Variants in TSEN2 observed in about 807,000 individuals in gnomAD.
The protein encoded by TSEN2 is tRNA splicing endonuclease subunit 2, also known as tRNA-splicing endonuclease subunit Sen2.
In TSEN2, 54 loss-of-function variants were observed where a neutral mutation model predicts 59.2. That is an observed-to-expected ratio of 0.91 (90% CI 0.73 to 1.14). The LOEUF (loss-of-function observed/expected upper bound fraction) is 1.14. Among genes scored for constraint, TSEN2 ranks in the 50% most tolerant of loss-of-function variants. TSEN2 has a pLI of 0.00. For missense variants in TSEN2, 636 were observed against 576.2 expected (o/e 1.10, Z -1.06); for synonymous variants, 195 against 198.2 (o/e 0.98, Z 0.14).
chr3:12,534,803 CAA>C (rs34727253), downstream of TSEN2, among the ~76,000 whole-genome samples: 1,313 of 68,960 alleles, frequency 0.019, 41 homozygotes, highest in East Asian at 0.19. Context: ...GACTCTGTCT[CAA>C]AAAAAAAAAA....
At chr3:12,493,480 G>A (rs2053435355) in intron 3 of TSEN2, among the ~76,000 whole-genome samples, 1 of 152,220 alleles carries the variant, frequency 6.6e-6, no homozygotes, top group Non-Finnish European at 1.5e-5. Context: ...TGTAATCCCA[G>A]CACTTTGGGA....
At chr3:12,509,941 G>A (rs1449071613) in intron 6 of TSEN2, among the ~76,000 whole-genome samples, 1 of 152,234 alleles carries the variant, frequency 6.6e-6, no homozygotes, top group Non-Finnish European at 1.5e-5. Flanking sequence ...TGAGCACAGA[G>A]TTAGCCTGTG....
intron 1 of TSEN2, among the ~76,000 whole-genome samples, chr3:12,487,881 G>A (rs1182472742): frequency 6.6e-6 from 1 of 152,224 alleles, no homozygotes; most frequent in East Asian, 1.9e-4. Flanking sequence ...GTAATGCTCA[G>A]TATGTAATTC....
At chr3:12,536,425 CATTG>C (rs1448112059), downstream of TSEN2, among the ~76,000 whole-genome samples, 1 of 152,098 alleles carries the variant, frequency 6.6e-6, no homozygotes, top group African/African-American at 2.4e-5. Context: ...ATCCCATGAA[CATTG>C]ATTGAGTCCC....
chr3:12,485,377 A>G (rs750940474), intron 1 of TSEN2, among the ~76,000 whole-genome samples: 2 of 146,428 alleles, frequency 1.4e-5, no homozygotes, highest in Non-Finnish European at 3.0e-5. Flanking sequence ...TTTTAATAGA[A>G]AGTAAGAATA....
At chr3:12,535,982 A>C (rs565416159), downstream of TSEN2, among the ~76,000 whole-genome samples, 6 of 152,326 alleles carry the variant, frequency 3.9e-5, no homozygotes, top group East Asian at 1.2e-3. Context: ...TGCTTTGCAG[A>C]CTGAATGAAA....
At chr3:12,522,426 G>A (rs1263600673) in intron 8 of TSEN2, among the ~76,000 whole-genome samples, 1 of 152,168 alleles carries the variant, frequency 6.6e-6, no homozygotes, top group Admixed American at 6.5e-5. Flanking sequence ...CACACACAGA[G>A]TCAGACTGGG....
chr3:12,530,146 G>A (rs2057372439), intron 10 of TSEN2: 2 of 1,306,462 alleles, frequency 1.5e-6, no homozygotes, highest in Admixed American at 3.7e-5. Flanking sequence ...ATCTGATCTG[G>A]GTAGGCATTG....
exon 11 of TSEN2, chr3:12,539,276 G>A (rs1254674827): frequency 2.7e-6 from 1 of 364,386 alleles, no homozygotes; most frequent in Admixed American, 4.0e-5. Context: ...TGGGATTACA[G>A]GCACGCACCA....
At chr3:12,516,556 T>C (rs913055391) in intron 6 of TSEN2, 55 bp from the exon 7 acceptor site, 18 of 1,591,932 alleles carry the variant, frequency 1.1e-5, no homozygotes. Context: ...TAAAATGGTT[T>C]CACAAGAATG....
Position 12,523,526 on chromosome 3 carries a change from C to CTTTTTTTTTTTTTT in TSEN2, c.1099+4341_1099+4354dup, listed in dbSNP as rs546904336. 2.9e-3 allele frequency among the ~76,000 whole-genome samples: 135 copies of CTTTTTTTTTTTTTT among 46,474 alleles called. 18 individuals carry two copies. The highest frequency in any genetic ancestry group is 4.1e-3 in the Non-Finnish European group (95 of 23,026). The allele number at this position is 46,474 out of a possible 152,430, so 30.5% of individuals were successfully genotyped here. A position where few individuals can be genotyped will look rare whatever the true frequency, so the allele number is the denominator to read the frequency against. On this transcript the variant is annotated intron_variant, in intron 8 of 11. Coordinates refer to ENST00000284995, the MANE Select transcript of TSEN2 (RefSeq NM_025265.4). ...CTTCTCCTCATCTTCCTCTTTGATT[C>CTTTTTTTTTTTTTT]TTTTTTTTTTTTTTTTTTTTTTTTT...
At chr3:12,506,617 T>A in intron 6 of TSEN2, 3 of 823,616 alleles carry the variant, frequency 3.6e-6, no homozygotes, top group Non-Finnish European at 4.4e-6. Context: ...TGGCCTTCCA[T>A]AAACTGCATC....
intron 6 of TSEN2, among the ~76,000 whole-genome samples, chr3:12,512,250 A>C (rs528096870): frequency 3.3e-4 from 50 of 152,378 alleles, no homozygotes; most frequent in African/African-American, 1.2e-3. Context: ...ATATTTTTAA[A>C]TGAATATATT....
rs747066221 is a variant in TSEN2 at position 12,503,725 on chromosome 3, G to A, written c.772G>A (p.Val258Met). The A allele has an allele frequency of 5.5e-5, 89 of 1,613,948 alleles. No individual in the cohort carries two copies. The East Asian group carries it at 1.1e-3, about 19-fold the overall frequency. Residue 258 changes from valine to methionine, a missense_variant, in exon 5 of 12, where the codon GTG becomes ATG. Val to Met is a conservative substitution (Grantham distance 21, BLOSUM62 1). Transcript: ENST00000284995. ...PGDRGPDHEY[V>M]LVEEAECAMS... Reference sequence around the variant, plus strand: ...GGACAGAGGGCCTGACCATGAGTACGTGCTGGTCGAGGAAGCGGAGTGTGC... The same window carrying A: ...GGACAGAGGGCCTGACCATGAGTACATGCTGGTCGAGGAAGCGGAGTGTGC...
At chr3:12,509,532 A>G (rs2055208416) in intron 6 of TSEN2, among the ~76,000 whole-genome samples, 4 of 152,136 alleles carry the variant, frequency 2.6e-5, no homozygotes, top group Admixed American at 2.0e-4. Flanking sequence ...AAGGAGCTTT[A>G]ACGTTTATAT....
At chr3:12,493,037 GC>G (rs1480253211) in intron 3 of TSEN2, among the ~76,000 whole-genome samples, 2 of 151,914 alleles carry the variant, frequency 1.3e-5, no homozygotes, top group Non-Finnish European at 2.9e-5. Flanking sequence ...TACAATATTT[GC>G]CCTTTTGTGT....
chr3:12,505,067 T>C, intron 5 of TSEN2, 87 bp from the exon 6 acceptor site: 1 of 831,768 alleles, frequency 1.2e-6, no homozygotes, highest in Non-Finnish European at 2.1e-6. Context: ...TGGGAATTTA[T>C]AAGAAAAATG....
chr3:12,518,969 C>T, intron 7 of TSEN2, 90 bp from the exon 8 acceptor site: 1 of 1,317,562 alleles, frequency 7.6e-7, no homozygotes, highest in Non-Finnish European at 1.1e-6. Context: ...TGCTTCAGCT[C>T]CACACTTAGT....
At chr3:12,518,958 C>T (rs546172568) in intron 7 of TSEN2, 101 bp from the exon 8 acceptor site, 36 of 1,205,212 alleles carry the variant, frequency 3.0e-5, no homozygotes, top group Non-Finnish European at 1.2e-6. Context: ...ATTTTCTTCA[C>T]TGCTTCAGCT....
Sources: gnomAD v4.1 joint callset for allele counts (sites outside exome capture counted in the v4.1 genomes callset) on GRCh38, gnomAD v4.1.1 for gene constraint, MANE v1.5 for transcripts, NCBI Gene and HGNC (gene_info 2026-07-23, HGNC 2026-07-21) for gene names.